The following ELSPBP1 variants were observed in gnomAD, a reference collection of about 807,000 sequenced individuals.
ELSPBP1 encodes the protein epididymal sperm-binding protein 1.
A neutral mutation model predicts 33.3 loss-of-function variants in ELSPBP1; 38 were observed. The ratio of observed to expected loss-of-function variants is 1.14; its 90% CI spans 0.88 to 1.50. ELSPBP1 has a LOEUF of 1.50. Ranked by LOEUF, ELSPBP1 falls within the 40% of genes most tolerant of loss-of-function variation. The pLI, the probability that ELSPBP1 is intolerant of heterozygous loss-of-function variation, is 0.00. For synonymous variants in ELSPBP1, 85 were observed against 94.1 expected (o/e 0.90, Z 0.56); for missense variants, 267 against 263.5 (o/e 1.01, Z -0.09).
intron 6 of ELSPBP1, among the ~76,000 whole-genome samples, chr19:48,022,851 G>C (rs1170423475): frequency 6.8e-6 from 1 of 146,944 alleles, no homozygotes; most frequent in Non-Finnish European, 1.5e-5. Flanking sequence ...AGGAGTTTGA[G>C]ACCACCCTGG....
At chr19:48,020,884 C>T (rs751772134) in intron 5 of ELSPBP1, among the ~76,000 whole-genome samples, 4 of 152,186 alleles carry the variant, frequency 2.6e-5, no homozygotes, top group South Asian at 2.1e-4. Flanking sequence ...TGCGCCACTC[C>T]GGGCAAGGGG....
chr19:48,017,706 A>G (rs1568407881), intron 4 of ELSPBP1, among the ~76,000 whole-genome samples: 2 of 152,008 alleles, frequency 1.3e-5, no homozygotes, highest in Admixed American at 6.6e-5. Context: ...CAGCCTAGGC[A>G]ACATAGGAAG....
chr19:48,006,045 C>T (rs777050797), intron 1 of ELSPBP1, among the ~76,000 whole-genome samples: 16 of 152,132 alleles, frequency 1.1e-4, no homozygotes, highest in Non-Finnish European at 1.3e-4. Context: ...ACTGCAGCCT[C>T]GACCTCCTGG....
At chr19:48,015,238 T>C (rs542912722) in intron 3 of ELSPBP1, among the ~76,000 whole-genome samples, 103 of 152,190 alleles carry the variant, frequency 6.8e-4, no homozygotes, top group African/African-American at 2.2e-3. Context: ...CATCTTCATG[T>C]TGAGGAGGAG....
At chr19:47,999,640 G>C (rs1411719955) in intron 1 of ELSPBP1, among the ~76,000 whole-genome samples, 5 of 151,710 alleles carry the variant, frequency 3.3e-5, no homozygotes, top group Non-Finnish European at 7.4e-5. Context: ...CACCCACCTC[G>C]GCCTCCCAAA....
chr19:48,018,487 A>G (rs1967165398), intron 4 of ELSPBP1, among the ~76,000 whole-genome samples: 1 of 152,232 alleles, frequency 6.6e-6, no homozygotes, highest in Non-Finnish European at 1.5e-5. Flanking sequence ...GACACATTAG[A>G]TCATAGAAGT....
chr19:48,018,827 T>C (rs1161788831), intron 4 of ELSPBP1, among the ~76,000 whole-genome samples: 3 of 152,044 alleles, frequency 2.0e-5, no homozygotes, highest in African/African-American at 7.3e-5. Flanking sequence ...TAGGCAAGAC[T>C]GAGTTTATTG....
chr19:48,006,638 A>AG (rs1370314486), intron 1 of ELSPBP1, among the ~76,000 whole-genome samples: 2,369 of 92,144 alleles, frequency 0.026, 125 homozygotes, highest in African/African-American at 0.08. Context: ...AAAAAAAAAA[A>AG]AAAAAAAAAG....
intron 1 of ELSPBP1, among the ~76,000 whole-genome samples, chr19:48,001,931 G>C (rs1966972243): frequency 6.6e-6 from 1 of 152,014 alleles, no homozygotes; most frequent in African/African-American, 2.4e-5. Context: ...TCCTGGGCTT[G>C]AGTGATCCTC....
In ELSPBP1 at chr19:48,014,298, C is replaced by T. The variant is rs754176515; in HGVS notation, c.198C>T (p.Cys66=). The part of the protein sequence containing the change: ...RAVYNGQWKY[C]QSEDYPRCIF... ...TGTACAACGGCCAGTGGAAGTACTGCCAGAGTGAAGGTGAGTGGTATCACA... is the reference window on the plus strand; with the variant it reads ...TGTACAACGGCCAGTGGAAGTACTGTCAGAGTGAAGGTGAGTGGTATCACA... The change falls in exon 3 of 7, where the codon TGC becomes TGT. Residue 66 remains cysteine (C), a synonymous_variant. Transcript: ENST00000339841. The T allele has an allele frequency of 3.1e-6, 5 of 1,613,372 alleles. No individual in the cohort carries two copies. In the Admixed American group the frequency reaches 8.3e-5, roughly 27 times the overall value.
At chr19:48,009,050 C>T (rs1012429449) in intron 2 of ELSPBP1, among the ~76,000 whole-genome samples, 17 of 150,802 alleles carry the variant, frequency 1.1e-4, no homozygotes, top group African/African-American at 2.0e-4. Context: ...GCAGGAGAAT[C>T]GCTTGAACCC....
At position 48,008,440 on chromosome 19, in the gene ELSPBP1, G is replaced by A. The variant is rs376931788; in HGVS notation, c.-17-211G>A. Reference sequence around the variant, plus strand: ...TGTAGAGGTGGGGTCTCACTATGTTGTCCAGGCTGGTCTTGAACTTCTGGC... The same window carrying A: ...TGTAGAGGTGGGGTCTCACTATGTTATCCAGGCTGGTCTTGAACTTCTGGC... On this transcript the variant is annotated intron_variant, in intron 1 of 6. Coordinates refer to ENST00000339841, the MANE Select transcript of ELSPBP1 (RefSeq NM_022142.5). 2.9e-4 allele frequency among the ~76,000 whole-genome samples: 44 copies of A among 152,242 alleles called. No individual in the cohort carries two copies. The South Asian group carries it at 9.1e-3, about 32-fold the overall frequency.
intron 4 of ELSPBP1, among the ~76,000 whole-genome samples, chr19:48,018,874 CTGGG>C (rs772022151): frequency 2.0e-5 from 3 of 152,156 alleles, no homozygotes; most frequent in Non-Finnish European, 4.4e-5. Flanking sequence ...ACGTCTTGGG[CTGGG>C]CGTGGTGGCT....
intron 1 of ELSPBP1, among the ~76,000 whole-genome samples, chr19:47,995,214 A>G (rs1251039161): frequency 6.6e-6 from 1 of 152,162 alleles, no homozygotes; most frequent in African/African-American, 2.4e-5. Flanking sequence ...CTGGAAGGGG[A>G]CAGCCAGAGA....
intron 1 of ELSPBP1, among the ~76,000 whole-genome samples, chr19:48,006,955 G>A (rs576178153): frequency 7.9e-4 from 120 of 152,180 alleles, no homozygotes; most frequent in South Asian, 3.5e-3. Flanking sequence ...AAAAGTTTGG[G>A]GCGTGTTGTG....
chr19:47,996,443 A>C (rs767801068), intron 1 of ELSPBP1, among the ~76,000 whole-genome samples: 2 of 152,126 alleles, frequency 1.3e-5, no homozygotes, highest in African/African-American at 4.8e-5. Flanking sequence ...AGGATAAATG[A>C]ATGGACAGAT....
chr19:47,995,742 C>T (rs891375839), intron 1 of ELSPBP1, among the ~76,000 whole-genome samples: 1 of 152,180 alleles, frequency 6.6e-6, no homozygotes, highest in Non-Finnish European at 1.5e-5. Context: ...TTCACAATGG[C>T]TTCTATAGTT....
intron 6 of ELSPBP1, among the ~76,000 whole-genome samples, chr19:48,023,177 G>GAAAGTA: frequency 7.2e-6 from 1 of 138,924 alleles, no homozygotes; most frequent in Non-Finnish European, 1.6e-5. Flanking sequence ...GAGGAAGGGA[G>GAAAGTA]GGAAGAAAGA....
In ELSPBP1 at chr19:48,019,842, A is replaced by G; in HGVS notation, c.479A>G (p.Asp160Gly). Reference sequence around the variant, plus strand: ...TGGTGCCCAACCACAGAGAACATGGATAAGGATGGAAAGTGGAGTTTCTGT... The same window carrying G: ...TGGTGCCCAACCACAGAGAACATGGGTAAGGATGGAAAGTGGAGTTTCTGT... ...KLWCPTTENM[D>G]KDGKWSFCAD... The change falls in exon 5 of 7, where the codon GAT (aspartate) becomes GGT (glycine). Residue 160 changes from aspartate (D) to glycine (G), a missense_variant. Physicochemically the swap from Asp to Gly is moderately conservative, Grantham distance 94. Transcript: ENST00000339841. 1.2e-6 allele frequency: 2 copies of G among 1,613,084 alleles called. No homozygotes were observed. The highest frequency in any genetic ancestry group is 1.6e-4 in the Middle Eastern group (1 of 6,062).
Sources: gnomAD v4.1 joint callset for allele counts (sites outside exome capture counted in the v4.1 genomes callset) on GRCh38, gnomAD v4.1.1 for gene constraint, MANE v1.5 for transcripts, NCBI Gene and HGNC (gene_info 2026-07-23, HGNC 2026-07-21) for gene names.